Variants in RIMBP2 observed in about 807,000 individuals in gnomAD.
RIMBP2 encodes the protein RIMS-binding protein 2.
RIMBP2 carries 48 observed loss-of-function variants against 118.6 expected under a neutral mutation model. The observed-to-expected ratio is 0.40, with a 90% CI of 0.32 to 0.51. The LOEUF (loss-of-function observed/expected upper bound fraction) is 0.51, where lower values mean the gene tolerates loss of function less well. Among genes scored for constraint, RIMBP2 ranks in the 20% least tolerant of loss-of-function variants. RIMBP2 has a pLI of 0.41. For synonymous variants in RIMBP2, 762 were observed against 742.9 expected, an observed-to-expected ratio of 1.03 and a Z score of -0.42; for missense variants, 1,551 against 1,768.3, an observed-to-expected ratio of 0.88 and a Z score of 2.20.
intron 4 of RIMBP2, among the ~76,000 whole-genome samples, chr12:130,487,361 C>T (rs1309157500): frequency 6.6e-6 from 1 of 152,144 alleles, no homozygotes; most frequent in Non-Finnish European, 1.5e-5. Context: ...GTGCCCTCCC[C>T]ATAGCGATAA....
chr12:130,531,574 A>G (rs1266695506), intron 2 of RIMBP2, among the ~76,000 whole-genome samples: 1 of 152,240 alleles, frequency 6.6e-6, no homozygotes, highest in Non-Finnish European at 1.5e-5. Flanking sequence ...AACTATTATT[A>G]AACATTAGGA....
At chr12:130,595,686 C>T (rs982150743) in intron 2 of RIMBP2, among the ~76,000 whole-genome samples, 1 of 152,134 alleles carries the variant, frequency 6.6e-6, no homozygotes, top group Non-Finnish European at 1.5e-5. Context: ...GAACAATGCG[C>T]GTGCACTCAC....
At chr12:130,479,540 G>A (rs557946749) in intron 4 of RIMBP2, among the ~76,000 whole-genome samples, 6 of 152,154 alleles carry the variant, frequency 3.9e-5, no homozygotes, top group South Asian at 2.1e-4. Context: ...CTTGCCCATC[G>A]GGCAGCTGGG....
rs1348070925 is a variant in RIMBP2, at chr12:130,703,634, G to A, written c.-352+12588C>T. Reference sequence around the variant, plus strand: ...AGCCCTCACGTGACTAGGGGCCACCGCCTAACCCTGATTAGCGCTCTACAT... The same window carrying A: ...AGCCCTCACGTGACTAGGGGCCACCACCTAACCCTGATTAGCGCTCTACAT... On this transcript the variant is annotated intron_variant, in intron 1 of 22. Transcript: ENST00000690449. The surrounding 1 kb of genome is among the most constrained non-coding windows in gnomAD (Gnocchi z 5.7). 1.3e-5 allele frequency among the ~76,000 whole-genome samples: 2 copies of A among 152,160 alleles called. No individual in the cohort carries two copies. Among genetic ancestry groups the A allele is most frequent in the South Asian group, 2.1e-4 (1 of 4,830 alleles).
intron 3 of RIMBP2, among the ~76,000 whole-genome samples, chr12:130,513,951 C>T (rs1418821817): frequency 6.6e-6 from 1 of 152,210 alleles, no homozygotes; most frequent in African/African-American, 2.4e-5. Context: ...CATTGACAAG[C>T]CTACCCATGA....
chr12:130,589,063 G>T (rs1399527836), intron 2 of RIMBP2, among the ~76,000 whole-genome samples: 2 of 152,334 alleles, frequency 1.3e-5, no homozygotes, highest in Middle Eastern at 3.4e-3. Context: ...AGACTGTGTC[G>T]ATAAGACTTG....
Position 130,585,280 on chromosome 12 carries a change from T to G in RIMBP2, c.-217+43042A>C, listed in dbSNP as rs576235350. 1.8e-4 allele frequency among the ~76,000 whole-genome samples: 27 copies of G among 152,278 alleles called. 1 individual carries two copies. In the South Asian group the frequency reaches 4.1e-3, roughly 23 times the overall value. On this transcript the variant is annotated intron_variant, in intron 2 of 22. Coordinates refer to ENST00000690449, the MANE Select transcript of RIMBP2 (RefSeq NM_001393629.1). ...AGAAGGGGAGGGTCCTCTGGTTTGT[T>G]ACTTTCTGCTCATGAGGCGGGGCGA... is the stretch of plus-strand genomic sequence containing the variant.
At chr12:130,667,797 C>T (rs1434794373) in intron 1 of RIMBP2, 1 of 152,074 alleles carries the variant, frequency 6.6e-6, no homozygotes, top group Non-Finnish European at 1.5e-5. Context: ...GGAATGAAGC[C>T]CCAGTAAGAA....
chr12:130,572,925 G>A lies in RIMBP2; in HGVS notation c.-216-55008C>T, dbSNP rs527260189. Among the ~76,000 whole-genome samples, 364 of 152,196 alleles carry A rather than the reference G, an allele frequency of 2.4e-3. 1 individual carries two copies. Among genetic ancestry groups the A allele is most frequent in the Admixed American group, 3.8e-3 (58 of 15,300 alleles). ...GAGGGCTGTGGGAGCTGTGAGGAGG[G>A]ACCCAGATTCCGCCACAGGGCATCC... On this transcript the variant is annotated intron_variant, in intron 2 of 22. Coordinates refer to ENST00000690449, the MANE Select transcript of RIMBP2 (RefSeq NM_001393629.1).
At chr12:130,695,438 G>A (rs942721217) in intron 1 of RIMBP2, among the ~76,000 whole-genome samples, 3 of 152,124 alleles carry the variant, frequency 2.0e-5, no homozygotes, top group Admixed American at 1.3e-4. Flanking sequence ...TTAAACACTC[G>A]ACATTTAAAT....
intron 2 of RIMBP2, among the ~76,000 whole-genome samples, chr12:130,530,636 A>G (rs1040085076): frequency 2.0e-5 from 3 of 152,206 alleles, no homozygotes; most frequent in African/African-American, 7.2e-5. Flanking sequence ...AACTTTATTA[A>G]CATGAAGGAT....
At chr12:130,459,051 A>AAAAAC (rs2079723040) in intron 6 of RIMBP2, among the ~76,000 whole-genome samples, 1 of 74,092 alleles carries the variant, frequency 1.3e-5, no homozygotes, top group Non-Finnish European at 2.7e-5. Context: ...TCTCAAAAAA[A>AAAAAC]AAAAAAAACA....
At chr12:130,438,339 TCCCC>T in intron 12 of RIMBP2, 22 bp downstream of exon 12, 9 of 755,582 alleles carry the variant, frequency 1.2e-5, no homozygotes, top group African/African-American at 2.2e-5. Flanking sequence ...TAACAAACCC[TCCCC>T]ACCCACCCAA....
chr12:130,619,414 C>T (rs2061162361), intron 2 of RIMBP2, among the ~76,000 whole-genome samples: 1 of 152,098 alleles, frequency 6.6e-6, no homozygotes, highest in African/African-American at 2.4e-5. Flanking sequence ...TTACTGATCA[C>T]GTTATTGATT....
chr12:130,496,572 A>G (rs532809646), intron 4 of RIMBP2, among the ~76,000 whole-genome samples: 1 of 152,120 alleles, frequency 6.6e-6, no homozygotes, highest in East Asian at 1.9e-4. Flanking sequence ...TGTCCACGGG[A>G]GACCAGCACA....
rs370056670 is a variant in RIMBP2, at chr12:130,422,408, T to A, written c.3238+45A>T. 2 of 1,377,652 alleles carry A rather than the reference T, an allele frequency of 1.5e-6. No homozygotes were observed. The highest frequency in any genetic ancestry group is 1.0e-6 in the Non-Finnish European group (1 of 975,634). 85.3% of individuals were successfully genotyped at this position (1,377,652 alleles called of 1,614,324 possible). A position where few individuals can be genotyped will look rare whatever the true frequency, so the allele number is the denominator to read the frequency against. On this transcript the variant is annotated intron_variant, in intron 17 of 22. Transcript: ENST00000690449. This position sits in a 1 kb window ranked among gnomAD's most constrained non-coding sequence, Gnocchi z 5.2. ...TGCTTAGATGGAGTAAGCAGCCACA[T>A]GCTCCGCGGCTGAAAGACACAACAG...
chr12:130,600,392 C>T (rs970732951), intron 2 of RIMBP2, among the ~76,000 whole-genome samples: 1 of 152,216 alleles, frequency 6.6e-6, no homozygotes, highest in South Asian at 2.1e-4. Flanking sequence ...TCCCCTCCTG[C>T]CGGAAGGATG....
intron 4 of RIMBP2, among the ~76,000 whole-genome samples, chr12:130,499,321 T>C (rs1174652974): frequency 6.6e-6 from 1 of 152,194 alleles, no homozygotes; most frequent in South Asian, 2.1e-4. Flanking sequence ...GATACAGCAA[T>C]AGCTAACTTG....
chr12:130,535,070 G>A (rs576336695), intron 2 of RIMBP2, among the ~76,000 whole-genome samples: 34 of 152,308 alleles, frequency 2.2e-4, no homozygotes, highest in Middle Eastern at 3.4e-3. Context: ...GCAAGCTCAC[G>A]TCAGACCTTT....
Sources: gnomAD v4.1 joint callset for allele counts (sites outside exome capture counted in the v4.1 genomes callset) on GRCh38, gnomAD v4.1.1 for gene constraint, Gnocchi (gnomAD v3.1) non-coding constraint, MANE v1.5 for transcripts, NCBI Gene and HGNC (gene_info 2026-07-23, HGNC 2026-07-21) for gene names.